Variants in PDCD2L observed in about 807,000 individuals in gnomAD.
PDCD2L encodes the protein uS5 assembly chaperone PDCD2L.
Under a neutral mutation model 40.4 loss-of-function variants are expected in PDCD2L, and 44 were observed. That is an observed-to-expected ratio of 1.09 (90% CI 0.86 to 1.40). The LOEUF is 1.40. Ranked by LOEUF, PDCD2L falls within the 40% of genes most tolerant of loss-of-function variation. PDCD2L has a pLI of 0.00. For synonymous variants in PDCD2L, 194 were observed against 174.6 expected (o/e 1.11, Z -0.88); for missense variants, 470 against 453.7 (o/e 1.04, Z -0.33).
At chr19:34,412,088 C>T (rs983862824) in intron 4 of PDCD2L, among the ~76,000 whole-genome samples, 1 of 151,176 alleles carries the variant, frequency 6.6e-6, no homozygotes, top group Non-Finnish European at 1.5e-5. Context: ...GGCTCAATCT[C>T]AGCTCATTGC....
intron 5 of PDCD2L, among the ~76,000 whole-genome samples, chr19:34,421,120 A>G (rs1347520105): frequency 6.6e-6 from 1 of 152,172 alleles, no homozygotes; most frequent in Admixed American, 6.6e-5. Context: ...CTCCTGCTGC[A>G]TGGCCCTATT....
chr19:34,417,598 G>T (rs1039671614), intron 5 of PDCD2L, among the ~76,000 whole-genome samples: 2 of 149,096 alleles, frequency 1.3e-5, no homozygotes, highest in African/African-American at 5.1e-5. Flanking sequence ...AGAGAGCAAG[G>T]CTTTGTCTCA....
chr19:34,419,962 T>G (rs2075142802), intron 5 of PDCD2L, among the ~76,000 whole-genome samples: 1 of 151,720 alleles, frequency 6.6e-6, no homozygotes, highest in Non-Finnish European at 1.5e-5. Context: ...TTTGTATTAT[T>G]ACACTATGTC....
chr19:34,417,142 C>T (rs939512274), intron 5 of PDCD2L, among the ~76,000 whole-genome samples: 2 of 151,662 alleles, frequency 1.3e-5, no homozygotes, highest in African/African-American at 4.8e-5. Flanking sequence ...AAATATAATC[C>T]AAGGAGCACA....
At chr19:34,424,878 G>A (rs2075169034) in intron 6 of PDCD2L, among the ~76,000 whole-genome samples, 1 of 151,500 alleles carries the variant, frequency 6.6e-6, no homozygotes, top group African/African-American at 2.4e-5. Context: ...CCAAGTAGCT[G>A]GGATTACAGG....
intron 4 of PDCD2L, among the ~76,000 whole-genome samples, 185 bp downstream of exon 4, chr19:34,409,695 G>T (rs2075093645): frequency 6.6e-6 from 1 of 152,144 alleles, no homozygotes; most frequent in South Asian, 2.1e-4. Context: ...ATTTATAATT[G>T]CCGTTAAGAA....
chr19:34,405,373 C>T (rs1263861262), intron 3 of PDCD2L, among the ~76,000 whole-genome samples: 1 of 150,926 alleles, frequency 6.6e-6, no homozygotes, highest in African/African-American at 2.4e-5. Flanking sequence ...CTCGAACTGC[C>T]GACCTCAGGT....
rs753054984 is a variant in PDCD2L at position 34,413,848 on chromosome 19, G to A, written c.797+1G>A. On this transcript the variant is annotated splice_donor_variant, in intron 5 of 6. Coordinates refer to ENST00000246535, the MANE Select transcript of PDCD2L (RefSeq NM_032346.2). LOFTEE classifies it high-confidence loss of function. ...CTGCTTGTCAGGAGCAGATTTTGAG[G>A]TAAAAAAAGGCACAGTTCCTTTTAT... The A allele has an allele frequency of 6.5e-7, 1 of 1,529,474 alleles. No homozygotes were observed. Among genetic ancestry groups the A allele is most frequent in the South Asian group, 1.2e-5 (1 of 86,842 alleles). 94.7% of individuals were successfully genotyped at this position (1,529,474 alleles called of 1,614,324 possible). A position where few individuals can be genotyped will look rare whatever the true frequency, so the allele number is the denominator to read the frequency against.
At chr19:34,412,539 G>GA (rs1383638340) in intron 4 of PDCD2L, among the ~76,000 whole-genome samples, 1 of 151,954 alleles carries the variant, frequency 6.6e-6, no homozygotes, top group African/African-American at 2.4e-5. Context: ...CCGACGTGGT[G>GA]AAACCTTGTC....
chr19:34,408,972 G>A (rs1472590855), intron 3 of PDCD2L, 189 bp from the exon 4 acceptor site: 13 of 591,596 alleles, frequency 2.2e-5, no homozygotes, highest in Admixed American at 1.5e-4. Flanking sequence ...GGAAAGACAA[G>A]TATTTTAAGT....
At chr19:34,419,792 T>TTTTTTTTTTTTTTTG (rs2075141728) in intron 5 of PDCD2L, among the ~76,000 whole-genome samples, 1 of 140,448 alleles carries the variant, frequency 7.1e-6, no homozygotes, top group Non-Finnish European at 1.6e-5. Context: ...TTTTTTTTTT[T>TTTTTTTTTTTTTTTG]TTAAGAGATT....
chr19:34,410,757 T>TTGTTTTA (rs2075098336), intron 4 of PDCD2L, among the ~76,000 whole-genome samples: 1 of 134,760 alleles, frequency 7.4e-6, no homozygotes, highest in Non-Finnish European at 1.6e-5. Flanking sequence ...TAAGGACTTT[T>TTGTTTTA]TATTTTTTAT....
intron 6 of PDCD2L, among the ~76,000 whole-genome samples, chr19:34,424,905 C>T (rs1025871847): frequency 6.6e-6 from 1 of 151,938 alleles, no homozygotes; most frequent in Non-Finnish European, 1.5e-5. Context: ...CCACCACGCC[C>T]AGCTAATTTT....
chr19:34,421,769 A>G (rs2075152559), intron 6 of PDCD2L, 102 bp downstream of exon 6: 1 of 1,408,390 alleles, frequency 7.1e-7, no homozygotes, highest in Admixed American at 2.3e-5. Flanking sequence ...AGCAAATTAC[A>G]GAAAATTTGG....
Position 34,404,788 on chromosome 19 carries a change from C to T in PDCD2L, c.248C>T (p.Pro83Leu). ...RLLHVFACAC[P>L]GCSTGGARSW... ...CTGCACGTGTTCGCGTGCGCCTGCC[C>T]CGGCTGTAGCACCGGCGGTGCGCGC... Residue 83 changes from proline (P) to leucine (L), a missense_variant, in exon 2 of 7, where the codon CCC (proline) becomes CTC (leucine). Coordinates refer to ENST00000246535, the MANE Select transcript of PDCD2L (RefSeq NM_032346.2). 1.2e-6 allele frequency: 2 copies of T among 1,605,540 alleles called. No homozygotes were observed. Among genetic ancestry groups the T allele is most frequent in the South Asian group, 1.1e-5 (1 of 90,286 alleles).
intron 5 of PDCD2L, among the ~76,000 whole-genome samples, chr19:34,420,638 A>T (rs1224412482): frequency 9.9e-5 from 15 of 151,122 alleles, no homozygotes; most frequent in African/African-American, 2.2e-4. Context: ...TTTTTTTTTT[A>T]AAAACTAGCT....
At chr19:34,412,853 C>G (rs917257085) in intron 4 of PDCD2L, among the ~76,000 whole-genome samples, 1 of 151,602 alleles carries the variant, frequency 6.6e-6, no homozygotes, top group Non-Finnish European at 1.5e-5. Flanking sequence ...CTCACCACAG[C>G]CTTGCCTCTG....
At chr19:34,406,826 CTTT>C (rs35175132) in intron 3 of PDCD2L, among the ~76,000 whole-genome samples, 3 of 102,246 alleles carry the variant, frequency 2.9e-5, no homozygotes, top group South Asian at 3.3e-4. Flanking sequence ...TTCTTTCTTC[CTTT>C]TTTTTTTTTT....
intron 3 of PDCD2L, among the ~76,000 whole-genome samples, chr19:34,405,233 G>A (rs190245384): frequency 3.0e-5 from 4 of 131,224 alleles, no homozygotes; most frequent in Admixed American, 9.1e-5. Flanking sequence ...CGCAACCTCC[G>A]CCTCCCAGGT....
Sources: gnomAD v4.1 joint callset for allele counts (sites outside exome capture counted in the v4.1 genomes callset) on GRCh38, gnomAD v4.1.1 for gene constraint, MANE v1.5 for transcripts, NCBI Gene and HGNC (gene_info 2026-07-23, HGNC 2026-07-21) for gene names.